The following KCNJ16 variants were observed in gnomAD, a reference collection of about 807,000 sequenced individuals.
The protein encoded by KCNJ16 is inward rectifier potassium channel 16.
In KCNJ16, 15 loss-of-function variants were observed where a neutral mutation model predicts 18.5. The observed-to-expected ratio is 0.81, with a 90% confidence interval of 0.54 to 1.25. The LOEUF (loss-of-function observed/expected upper bound fraction) is 1.25, where lower values mean the gene tolerates loss of function less well. Ranked by LOEUF, KCNJ16 falls within the 50% of genes most tolerant of loss-of-function variation. The probability of loss-of-function intolerance (pLI) is 0.00; values close to 1 mark genes in which losing one functional copy is unlikely to be tolerated. For missense variants in KCNJ16, 523 were observed against 525.7 expected (o/e 0.99, Z 0.05); for synonymous variants, 174 against 186.5 (o/e 0.93, Z 0.55).
intron 2 of KCNJ16, among the ~76,000 whole-genome samples, chr17:70,129,019 G>A (rs796693866): frequency 1.4e-4 from 22 of 152,310 alleles, no homozygotes; most frequent in African/African-American, 4.8e-4. Context: ...CCCTCTTCCT[G>A]CTTCTGCTAT....
At chr17:70,096,081 C>T (rs12942377) in intron 1 of KCNJ16, among the ~76,000 whole-genome samples, 126,183 of 151,190 alleles carry the variant, frequency 0.83, 52,819 homozygotes, top group East Asian at 0.96. Flanking sequence ...GACGGGGTTT[C>T]GCTGTGTTAG....
chr17:70,130,464 A>G (rs16975212), intron 2 of KCNJ16, among the ~76,000 whole-genome samples: 9,754 of 152,224 alleles, frequency 0.064, 1,078 homozygotes, highest in African/African-American at 0.22. Flanking sequence ...GAGGACAGAG[A>G]TAAACCCATA....
rs10600577 is a variant in KCNJ16, at chr17:70,102,215, C to CTTTTTTT, written c.-191+1473_-191+1479dup. The CTTTTTTT allele has an allele frequency of 5.4e-4, 26 of 48,150 alleles. 1 individual carries two copies. The highest frequency in any genetic ancestry group is 1.6e-3 in the African/African-American group (19 of 11,978). 3.0% of individuals were successfully genotyped at this position (48,150 alleles called of 1,614,324 possible). On this transcript the variant is annotated intron_variant, in intron 2 of 3. Transcript: ENST00000392671. ...TCTTTCTTCTTGTTCACCAAAAGTA[C>CTTTTTTT]TTTTTTTTTTTTTTTTTTTTTTTTT...
At chr17:70,089,902 C>T (rs186599010) in intron 1 of KCNJ16, among the ~76,000 whole-genome samples, 122 of 152,186 alleles carry the variant, frequency 8.0e-4, no homozygotes, top group African/African-American at 2.9e-3. Context: ...TAACTGCTTC[C>T]ACCACTGCAG....
At chr17:70,087,343 T>C (rs2071851409) in intron 1 of KCNJ16, among the ~76,000 whole-genome samples, 1 of 152,104 alleles carries the variant, frequency 6.6e-6, no homozygotes, top group Non-Finnish European at 1.5e-5. Flanking sequence ...CTGGCCTCTG[T>C]TTTTCTTTCA....
At chr17:70,121,334 C>T (rs1482289910) in intron 2 of KCNJ16, among the ~76,000 whole-genome samples, 3 of 152,274 alleles carry the variant, frequency 2.0e-5, no homozygotes, top group Non-Finnish European at 2.9e-5. Context: ...TATGTAGCCG[C>T]AGACCTTAAA....
At chr17:70,076,710 C>T (rs1004842424) in intron 1 of KCNJ16, among the ~76,000 whole-genome samples, 1 of 152,022 alleles carries the variant, frequency 6.6e-6, no homozygotes, top group Non-Finnish European at 1.5e-5. Flanking sequence ...ATATATGTTT[C>T]TTCTATTATA....
At chr17:70,129,623 C>T (rs1241784370) in intron 2 of KCNJ16, among the ~76,000 whole-genome samples, 1 of 152,146 alleles carries the variant, frequency 6.6e-6, no homozygotes, top group African/African-American at 2.4e-5. Flanking sequence ...GAATGCTTGC[C>T]TTTGGCTAAG....
In KCNJ16 at chr17:70,133,112, A is replaced by G. The variant is rs751133691; in HGVS notation, c.1025A>G (p.Lys342Arg). 7.4e-6 allele frequency: 12 copies of G among 1,614,176 alleles called. No homozygotes were observed. Among genetic ancestry groups the G allele is most frequent in the Non-Finnish European group, 1.0e-5 (12 of 1,180,036 alleles). Residue 342 changes from lysine to arginine, a missense_variant, in exon 4 of 4, where the codon AAG becomes AGG. Lys to Arg is a conservative substitution (Grantham distance 26, BLOSUM62 2). Transcript: ENST00000392671. ...VEVYAPFCSA[K>R]QLDWKDQQLH... The stretch of plus-strand genomic sequence containing the variant: ...GTATATGCCCCCTTTTGCAGTGCCA[A>G]GCAATTGGACTGGAAAGACCAGCAG...
At chr17:70,131,572 AC>A (rs2074059241) in intron 3 of KCNJ16, 1 of 698,576 alleles carries the variant, frequency 1.4e-6, no homozygotes. Flanking sequence ...TTAAGGAAAA[AC>A]CTGATTTAAA....
intron 2 of KCNJ16, among the ~76,000 whole-genome samples, chr17:70,112,593 T>A (rs558790027): frequency 6.6e-6 from 1 of 152,254 alleles, no homozygotes; most frequent in East Asian, 1.9e-4. Flanking sequence ...AGTTGAATGA[T>A]CTTTTCATAA....
At chr17:70,092,543 G>C (rs1567782495) in intron 1 of KCNJ16, among the ~76,000 whole-genome samples, 23 of 8,074 alleles carry the variant, frequency 2.8e-3, no homozygotes, top group Non-Finnish European at 5.5e-3. Context: ...GATAGATATA[G>C]ATAGATATAG....
rs533300335 is a variant in KCNJ16 at position 70,109,553 on chromosome 17, T to G, written c.-191+8787T>G. On this transcript the variant is annotated intron_variant, in intron 2 of 3. Transcript: ENST00000392671. ...ACTTCCCCAACACTGGGTTTTCCCC[T>G]CTTTCTCTTCCCCCTGTTCTCTCAC... is the stretch of plus-strand genomic sequence containing the variant. Among the ~76,000 whole-genome samples, 5 of 150,418 alleles carry G rather than the reference T, an allele frequency of 3.3e-5. No individual in the cohort carries two copies. The South Asian group carries it at 8.4e-4, about 25-fold the overall frequency.
intron 2 of KCNJ16, among the ~76,000 whole-genome samples, chr17:70,114,982 T>G (rs2144056435): frequency 6.6e-6 from 1 of 152,254 alleles, no homozygotes; most frequent in Non-Finnish European, 1.5e-5. Flanking sequence ...CTCATAGCAA[T>G]CCACTGATGT....
chr17:70,083,233 TTATAA>T (rs1013361690), intron 1 of KCNJ16, among the ~76,000 whole-genome samples: 7 of 148,608 alleles, frequency 4.7e-5, no homozygotes, highest in Middle Eastern at 3.3e-3. Context: ...GAGATATATA[TTATAA>T]TATATGTAGC....
chr17:70,121,045 G>C (rs960836726), intron 2 of KCNJ16, among the ~76,000 whole-genome samples: 3 of 152,140 alleles, frequency 2.0e-5, no homozygotes, highest in Non-Finnish European at 4.4e-5. Context: ...TAGAAGAAGA[G>C]GTGACAGTCT....
intron 2 of KCNJ16, among the ~76,000 whole-genome samples, chr17:70,119,791 C>T (rs1423708973): frequency 1.3e-5 from 2 of 152,168 alleles, no homozygotes; most frequent in African/African-American, 4.8e-5. Context: ...TTCTAAAATT[C>T]CTTTGAGGCC....
Position 70,135,414 on chromosome 17 carries a change from T to C in KCNJ16, c.*2070T>C, listed in dbSNP as rs1015964815. The C allele has an allele frequency of 2.4e-5, 4 of 167,108 alleles. No individual in the cohort carries two copies. The highest frequency in any genetic ancestry group is 7.2e-5 in the African/African-American group (3 of 41,466). 10.4% of individuals were successfully genotyped at this position (167,108 alleles called of 1,614,324 possible). On this transcript the variant is annotated 3_prime_UTR_variant, in exon 4 of 4. Transcript: ENST00000392671. Reference sequence around the variant, plus strand: ...GATGTTTGCCTTGTCAATATCAGAATAGGGGCATCAGTGTCCCGTGAAATA... The same window carrying C: ...GATGTTTGCCTTGTCAATATCAGAACAGGGGCATCAGTGTCCCGTGAAATA...
chr17:70,081,997 C>G (rs2071576647), intron 1 of KCNJ16, among the ~76,000 whole-genome samples: 1 of 152,138 alleles, frequency 6.6e-6, no homozygotes, highest in Non-Finnish European at 1.5e-5. Flanking sequence ...TACACTTTGG[C>G]TTCATGAATT....
Sources: gnomAD v4.1 joint callset for allele counts (sites outside exome capture counted in the v4.1 genomes callset) on GRCh38, gnomAD v4.1.1 for gene constraint, MANE v1.5 for transcripts, NCBI Gene and HGNC (gene_info 2026-07-23, HGNC 2026-07-21) for gene names.